The following RNF130 variants were observed in gnomAD, a reference collection of about 807,000 sequenced individuals.
RNF130 encodes the protein ring finger protein 130.
In RNF130, 21 loss-of-function variants were observed where a neutral mutation model predicts 44.6. The observed-to-expected ratio is 0.47, with a 90% CI of 0.33 to 0.68. The LOEUF (loss-of-function observed/expected upper bound fraction) is 0.68, where lower values mean the gene tolerates loss of function less well. Among genes scored for constraint, RNF130 ranks in the 30% least tolerant of loss-of-function variants. RNF130 has a pLI of 0.02. For synonymous variants in RNF130, 214 were observed against 210.4 expected, an observed-to-expected ratio of 1.02 and a Z score of -0.15; for missense variants, 479 against 560.6, an observed-to-expected ratio of 0.85 and a Z score of 1.47.
At chr5:180,030,212 T>C (rs1378542863) in intron 2 of RNF130, among the ~76,000 whole-genome samples, 1 of 152,150 alleles carries the variant, frequency 6.6e-6, no homozygotes, top group Non-Finnish European at 1.5e-5. Flanking sequence ...ATACTCAAAA[T>C]ACAAATAAAA....
chr5:180,021,407 T>A (rs185649892), intron 2 of RNF130, among the ~76,000 whole-genome samples: 12 of 152,256 alleles, frequency 7.9e-5, no homozygotes, highest in Admixed American at 7.8e-4. Flanking sequence ...ACAAGGTACA[T>A]CATTATGTAT....
chr5:179,927,405 A>T (rs1448742937), intron 7 of RNF130, among the ~76,000 whole-genome samples: 1 of 152,210 alleles, frequency 6.6e-6, no homozygotes, highest in African/African-American at 2.4e-5. Context: ...TGCACAAATC[A>T]TAAGTATCCA....
chr5:179,913,473 T>A (rs1290855825), exon 8 of RNF130: 2 of 151,524 alleles, frequency 1.3e-5, no homozygotes, highest in East Asian at 1.9e-4. Flanking sequence ...CCAAGATGAG[T>A]GCAGGTGACG....
intron 1 of RNF130, among the ~76,000 whole-genome samples, chr5:180,060,258 A>T (rs4700855): frequency 0.39 from 59,115 of 152,114 alleles, 12,570 homozygotes; most frequent in South Asian, 0.61. Context: ...TGAGCCACCT[A>T]GTTTTTGGTG....
chr5:179,995,187 C>T (rs1172512443), intron 3 of RNF130, among the ~76,000 whole-genome samples: 1 of 150,456 alleles, frequency 6.6e-6, no homozygotes, highest in African/African-American at 2.4e-5. Context: ...ACCAGGCAAA[C>T]AGTATGGGAC....
At chr5:180,059,149 A>G (rs968909108) in intron 1 of RNF130, among the ~76,000 whole-genome samples, 1 of 152,148 alleles carries the variant, frequency 6.6e-6, no homozygotes, top group Admixed American at 6.5e-5. Context: ...TTCCACAAGT[A>G]CATCACAGTT....
chr5:179,923,381 C>G (rs746430205), intron 7 of RNF130, among the ~76,000 whole-genome samples: 1 of 152,158 alleles, frequency 6.6e-6, no homozygotes, highest in Non-Finnish European at 1.5e-5. Flanking sequence ...GGGCACTATT[C>G]TGTTCTAGCA....
rs1205914690 is a variant in RNF130 at position 180,055,248 on chromosome 5, CAAAAAAAAAA to C, written c.248-14611_248-14602del. On this transcript the variant is annotated intron_variant, in intron 1 of 8. Coordinates refer to ENST00000521389, the MANE Select transcript of RNF130 (RefSeq NM_018434.6). ...TGGGCAACAGAGTGAGGTTCTGTCT[CAAAAAAAAAA>C]AAAAAAAAAAAAAAAAAAAAAACAA... is the stretch of plus-strand genomic sequence containing the variant. Among the ~76,000 whole-genome samples the C allele has an allele frequency of 9.1e-4, 19 of 20,988 alleles. 1 individual carries two copies. The East Asian group carries it at 0.014, about 15-fold the overall frequency. The allele number at this position is 20,988 out of a possible 152,430, so 13.8% of individuals were successfully genotyped here.
chr5:180,062,015 T>A (rs1278504535), intron 1 of RNF130, among the ~76,000 whole-genome samples: 1 of 151,516 alleles, frequency 6.6e-6, no homozygotes. Flanking sequence ...TGTCCTCACA[T>A]GGCAGAAAAG....
intron 7 of RNF130, among the ~76,000 whole-genome samples, chr5:179,944,345 T>C (rs999082230): frequency 6.6e-6 from 1 of 152,224 alleles, no homozygotes; most frequent in African/African-American, 2.4e-5. Flanking sequence ...ATCTGACAAG[T>C]TTTAAGATTT....
intron 3 of RNF130, among the ~76,000 whole-genome samples, chr5:179,988,991 A>G (rs1029500995): frequency 6.6e-6 from 1 of 152,180 alleles, no homozygotes; most frequent in African/African-American, 2.4e-5. Context: ...GTCCGTTTTT[A>G]TGCTGCTATG....
chr5:179,989,559 T>C (rs1561682524), intron 3 of RNF130, among the ~76,000 whole-genome samples: 1 of 152,234 alleles, frequency 6.6e-6, no homozygotes, highest in African/African-American at 2.4e-5. Context: ...GGCATAAGAA[T>C]AGCTATTCTT....
At chr5:180,044,486 C>T (rs890757824) in intron 1 of RNF130, among the ~76,000 whole-genome samples, 5 of 152,132 alleles carry the variant, frequency 3.3e-5, no homozygotes. Flanking sequence ...CAGCTACACG[C>T]TAAGTACCAA....
intron 1 of RNF130, among the ~76,000 whole-genome samples, chr5:180,056,740 T>C (rs1417649513): frequency 6.6e-6 from 1 of 152,166 alleles, no homozygotes. Flanking sequence ...ACAATGCTCA[T>C]GACTGGACTG....
At chr5:180,063,024 C>T (rs1313660808) in intron 1 of RNF130, among the ~76,000 whole-genome samples, 1 of 152,040 alleles carries the variant, frequency 6.6e-6, no homozygotes, top group Non-Finnish European at 1.5e-5. Flanking sequence ...GGTGAAATGA[C>T]CTGGGGGTGG....
chr5:179,967,056 C>T, intron 6 of RNF130, 46 bp from the exon 7 acceptor site: 3 of 1,515,788 alleles, frequency 2.0e-6, no homozygotes, highest in Non-Finnish European at 2.7e-6. Context: ...GAAAACACAA[C>T]CTTTCATAAG....
intron 7 of RNF130, among the ~76,000 whole-genome samples, chr5:179,940,308 C>A (rs575403104): frequency 2.6e-5 from 4 of 151,944 alleles, no homozygotes; most frequent in African/African-American, 9.7e-5. Context: ...GCAACTTCCG[C>A]TTCCCAGGTT....
At chr5:179,940,259 CG>C (rs1450710931) in intron 7 of RNF130, 1 of 150,982 alleles carries the variant, frequency 6.6e-6, no homozygotes, top group Non-Finnish European at 1.5e-5. Context: ...GTTGGAGTCT[CG>C]CTCTGTCACC....
chr5:179,999,537 C>G (rs923141082), intron 3 of RNF130, among the ~76,000 whole-genome samples: 21 of 151,914 alleles, frequency 1.4e-4, no homozygotes, highest in Admixed American at 5.9e-4. Context: ...GCCTGGCCAA[C>G]ACGGTGAAAC....
Sources: allele counts gnomAD v4.1 joint callset (sites outside exome capture counted in the v4.1 genomes callset), GRCh38; gene constraint gnomAD v4.1.1; transcripts MANE v1.5; gene names NCBI Gene and HGNC (gene_info 2026-07-23, HGNC 2026-07-21).